The following PTPRO variants were observed in gnomAD, a reference collection of about 807,000 sequenced individuals.
The protein encoded by PTPRO is protein tyrosine phosphatase receptor type O, also known as receptor-type tyrosine-protein phosphatase O.
A neutral mutation model predicts 145.2 loss-of-function variants in PTPRO; 62 were observed. The observed-to-expected ratio is 0.43, with a 90% CI of 0.35 to 0.53. PTPRO has a LOEUF of 0.53. Ranked by LOEUF, PTPRO falls within the 20% of genes least tolerant of loss-of-function variation. The probability of loss-of-function intolerance (pLI) is 0.01; values close to 1 mark genes in which losing one functional copy is unlikely to be tolerated. For synonymous variants in PTPRO, 565 were observed against 514.7 expected, an observed-to-expected ratio of 1.10 and a Z score of -1.32; for missense variants, 1,345 against 1,482.7, an observed-to-expected ratio of 0.91 and a Z score of 1.53.
At chr12:15,364,043 T>C (rs942754314) in intron 1 of PTPRO, among the ~76,000 whole-genome samples, 14 of 152,196 alleles carry the variant, frequency 9.2e-5, no homozygotes, top group African/African-American at 3.1e-4. Context: ...ATTTGTTAAA[T>C]CTAGATTACT....
intron 1 of PTPRO, among the ~76,000 whole-genome samples, chr12:15,441,734 C>T (rs1350590026): frequency 6.6e-6 from 1 of 152,016 alleles, no homozygotes; most frequent in African/African-American, 2.4e-5. Flanking sequence ...TCTCTACACA[C>T]AAAAACTAGA....
At chr12:15,447,610 A>G (rs537930134) in intron 1 of PTPRO, among the ~76,000 whole-genome samples, 12 of 152,282 alleles carry the variant, frequency 7.9e-5, no homozygotes, top group African/African-American at 2.9e-4. Context: ...CAACTAGTGA[A>G]TTCCTGGGCA....
chr12:15,337,724 T>C (rs1866813726), intron 1 of PTPRO, among the ~76,000 whole-genome samples: 1 of 152,208 alleles, frequency 6.6e-6, no homozygotes, highest in Admixed American at 6.5e-5. Context: ...CCATATAATA[T>C]TATTCAGCAA....
Position 15,516,867 on chromosome 12 carries a change from G to A in PTPRO, c.1690G>A (p.Glu564Lys), listed in dbSNP as rs147148752. The A allele has an allele frequency of 4.2e-5, 67 of 1,613,278 alleles. No individual in the cohort carries two copies. Among genetic ancestry groups the A allele is most frequent in the Non-Finnish European group, 5.1e-5 (60 of 1,179,340 alleles). Residue 564 changes from glutamate to lysine, a missense_variant, in exon 9 of 27, where the codon GAA (glutamate) becomes AAA (lysine). By Grantham distance (56) the Glu-to-Lys change is moderately conservative (BLOSUM62 1). Coordinates refer to ENST00000281171, the MANE Select transcript of PTPRO (RefSeq NM_030667.3). ...AGGCGTGTTCAGAAAATACGTGGTT[G>A]AAATGTTTTATTTCAACCCTGCTAC... ...YLGVFRKYVV[E>K]MFYFNPATMT...
intron 1 of PTPRO, among the ~76,000 whole-genome samples, chr12:15,438,294 C>T (rs1247565582): frequency 6.6e-6 from 1 of 152,044 alleles, no homozygotes; most frequent in Non-Finnish European, 1.5e-5. Flanking sequence ...ATTCTAGCAC[C>T]ATGAAAAAAC....
chr12:15,358,171 G>A (rs148121225), intron 1 of PTPRO, among the ~76,000 whole-genome samples: 10,041 of 144,334 alleles, frequency 0.07, 1,142 homozygotes, highest in African/African-American at 0.24. Context: ...CTCATAGGTG[G>A]GAATTGACCA....
intron 1 of PTPRO, among the ~76,000 whole-genome samples, chr12:15,459,291 C>T (rs1477172875): frequency 6.6e-6 from 1 of 152,170 alleles, no homozygotes; most frequent in Non-Finnish European, 1.5e-5. Context: ...GTTCAAACAG[C>T]CATCTTTATT....
At chr12:15,502,168 G>A (rs1162699108) in intron 5 of PTPRO, 105 bp downstream of exon 5, 4 of 1,154,398 alleles carry the variant, frequency 3.5e-6, no homozygotes, top group Non-Finnish European at 3.8e-6. Context: ...ACAGTTATTA[G>A]TCAAAGAATA....
intron 1 of PTPRO, among the ~76,000 whole-genome samples, chr12:15,421,829 A>G (rs1940155347): frequency 6.6e-6 from 1 of 152,150 alleles, no homozygotes; most frequent in African/African-American, 2.4e-5. Context: ...AGTGGCTTTA[A>G]CTAGCTGTGT....
chr12:15,374,038 C>T (rs1272149015), intron 1 of PTPRO, among the ~76,000 whole-genome samples: 1 of 152,012 alleles, frequency 6.6e-6, no homozygotes, highest in East Asian at 1.9e-4. Context: ...ATGAACATGC[C>T]TAATAAGTAG....
intron 23 of PTPRO, 109 bp downstream of exon 23, chr12:15,581,910 A>C: frequency 7.1e-7 from 1 of 1,410,992 alleles, no homozygotes. Flanking sequence ...ACAGACACAC[A>C]CACAAAAATA....
At chr12:15,513,155 GAA>G (rs375973212) in intron 7 of PTPRO, among the ~76,000 whole-genome samples, 7,449 of 24,172 alleles carry the variant, frequency 0.31, 1,195 homozygotes, top group African/African-American at 0.45. Flanking sequence ...AAGAAAGAAA[GAA>G]AAAGAAAGAA....
chr12:15,365,296 T>A (rs1938327867), intron 1 of PTPRO, among the ~76,000 whole-genome samples: 1 of 152,136 alleles, frequency 6.6e-6, no homozygotes, highest in Admixed American at 6.6e-5. Flanking sequence ...TGTATGTAAG[T>A]GAGACTCAAA....
intron 1 of PTPRO, among the ~76,000 whole-genome samples, chr12:15,373,625 T>C (rs1337665772): frequency 6.6e-6 from 1 of 152,216 alleles, no homozygotes; most frequent in Non-Finnish European, 1.5e-5. Context: ...TGAAGGAATA[T>C]ATTTTGAGTA....
intron 5 of PTPRO, 67 bp downstream of exon 5, chr12:15,502,130 A>G: frequency 6.8e-7 from 1 of 1,479,186 alleles, no homozygotes; most frequent in South Asian, 1.2e-5. Flanking sequence ...AATGTTTTTA[A>G]ATTTGAGTTT....
chr12:15,524,873 TG>T lies in PTPRO; in HGVS notation c.1953del (p.Trp651Ter). ...EYFNSLLYIS[W>X]TYGDDTTDLS... is the part of the protein sequence containing the mutation. ...TTTCAACAGTCTGTTATATATCAGT[TG>T]GACATATGGGGATGATACAACGGAC... On this transcript the variant is annotated frameshift_variant, in exon 11 of 27. Coordinates refer to ENST00000281171, the MANE Select transcript of PTPRO (RefSeq NM_030667.3). LOFTEE classifies it high-confidence loss of function. 1.2e-6 allele frequency: 2 copies of T among 1,613,198 alleles called. No individual in the cohort carries two copies. The highest frequency in any genetic ancestry group is 1.7e-6 in the Non-Finnish European group (2 of 1,179,168).
intron 1 of PTPRO, among the ~76,000 whole-genome samples, chr12:15,413,084 T>C (rs920819866): frequency 1.3e-5 from 2 of 152,004 alleles, no homozygotes; most frequent in East Asian, 3.9e-4. Flanking sequence ...TGAGCCACCA[T>C]GCCCGGCCTT....
chr12:15,570,460 G>T (rs936254461), intron 19 of PTPRO, among the ~76,000 whole-genome samples: 1 of 152,118 alleles, frequency 6.6e-6, no homozygotes, highest in Non-Finnish European at 1.5e-5. Context: ...AGTGGTCCTG[G>T]TGTGGAGACA....
rs74073225 is a variant in PTPRO, at chr12:15,515,605, G to A, written c.1572G>A (p.Val524=). The A allele has an allele frequency of 4.0e-4, 642 of 1,613,994 alleles. 6 individuals carry two copies. In the African/African-American group the frequency reaches 7.5e-3, roughly 19 times the overall value. The part of the protein sequence containing the change: ...GPLIGPPSDP[V]TFAIVPTGIK... ...TGATTGGACCACCTTCAGATCCTGT[G>A]ACATTTGCTATTGGTAAGTTGCTAG... is the stretch of plus-strand genomic sequence containing the variant. Residue 524 remains valine (V), a synonymous_variant, in exon 8 of 27, where the codon GTG becomes GTA. Transcript: ENST00000281171.
Sources: allele counts gnomAD v4.1 joint callset (sites outside exome capture counted in the v4.1 genomes callset), GRCh38; gene constraint gnomAD v4.1.1; transcripts MANE v1.5; gene names NCBI Gene and HGNC (gene_info 2026-07-23, HGNC 2026-07-21).